The following CEP112 variants were observed in gnomAD, a reference collection of about 807,000 sequenced individuals.
CEP112 encodes the protein centrosomal protein of 112 kDa.
A neutral mutation model predicts 153.0 loss-of-function variants in CEP112; 127 were observed. That is an observed-to-expected ratio of 0.83 (90% CI 0.72 to 0.96). The LOEUF is 0.96. Among genes scored for constraint, CEP112 ranks in the 40% least tolerant of loss-of-function variants. The pLI is 0.00. For synonymous variants in CEP112, 358 were observed against 374.4 expected, an observed-to-expected ratio of 0.96 and a Z score of 0.51; for missense variants, 1,089 against 1,101.2, an observed-to-expected ratio of 0.99 and a Z score of 0.16.
chr17:65,755,081 A>G (rs956795450), intron 21 of CEP112, among the ~76,000 whole-genome samples: 4 of 152,134 alleles, frequency 2.6e-5, no homozygotes, highest in Non-Finnish European at 4.4e-5. Context: ...CAGAACTTAA[A>G]ATAAAAGTTG....
At chr17:65,986,183 T>C (rs2063400819) in intron 17 of CEP112, among the ~76,000 whole-genome samples, 1 of 151,492 alleles carries the variant, frequency 6.6e-6, no homozygotes, top group African/African-American at 2.4e-5. Flanking sequence ...GGAAAAAAAA[T>C]AAAACATCGC....
At chr17:65,933,372 C>T (rs72843717) in intron 18 of CEP112, among the ~76,000 whole-genome samples, 22 of 152,170 alleles carry the variant, frequency 1.4e-4, no homozygotes, top group Non-Finnish European at 2.4e-4. Context: ...AGACAGTTCA[C>T]GAAGACACAT....
At chr17:65,886,506 T>G (rs1025549055) in intron 20 of CEP112, among the ~76,000 whole-genome samples, 1 of 152,226 alleles carries the variant, frequency 6.6e-6, no homozygotes, top group East Asian at 1.9e-4. Context: ...TTCACATTCT[T>G]TTAGAGCTAG....
At chr17:65,788,883 C>T (rs1218299746) in intron 21 of CEP112, among the ~76,000 whole-genome samples, 3 of 152,134 alleles carry the variant, frequency 2.0e-5, no homozygotes, top group Non-Finnish European at 4.4e-5. Context: ...CATCTATGTC[C>T]TTATTTCCTC....
intron 24 of CEP112, among the ~76,000 whole-genome samples, chr17:65,670,074 T>A (rs1567839811): frequency 6.6e-6 from 1 of 152,082 alleles, no homozygotes; most frequent in East Asian, 1.9e-4. Flanking sequence ...AGGTGCTGAA[T>A]AAATGTTTGC....
At chr17:65,989,040 C>G (rs1422175980) in intron 17 of CEP112, among the ~76,000 whole-genome samples, 1 of 151,584 alleles carries the variant, frequency 6.6e-6, no homozygotes, top group African/African-American at 2.4e-5. Context: ...CTGGCTGACA[C>G]ATGGTGAAAC....
At chr17:65,728,275 T>G (rs1053607014) in intron 23 of CEP112, among the ~76,000 whole-genome samples, 6 of 152,172 alleles carry the variant, frequency 3.9e-5, no homozygotes, top group Non-Finnish European at 5.9e-5. Flanking sequence ...AGAAAAACAC[T>G]GTGGAATTTG....
intron 17 of CEP112, among the ~76,000 whole-genome samples, chr17:65,978,260 A>AGAAAAAAG (rs1375516294): frequency 6.6e-6 from 1 of 151,958 alleles, no homozygotes; most frequent in Admixed American, 6.6e-5. Flanking sequence ...TATCTCTAAA[A>AGAAAAAAG]GAAAATAAGT....
intron 19 of CEP112, among the ~76,000 whole-genome samples, chr17:65,922,042 A>G (rs2060749650): frequency 6.6e-6 from 1 of 152,090 alleles, no homozygotes; most frequent in Admixed American, 6.6e-5. Flanking sequence ...GTTTTTCATG[A>G]CTCTTGGTAG....
At chr17:65,670,127 T>C (rs1026488006) in intron 24 of CEP112, among the ~76,000 whole-genome samples, 18 of 151,810 alleles carry the variant, frequency 1.2e-4, no homozygotes, top group African/African-American at 4.3e-4. Flanking sequence ...TGTTTGTCCC[T>C]TCAGTGGGGC....
chr17:66,030,084 T>C, intron 12 of CEP112, 61 bp from the exon 13 acceptor site: 2 of 1,422,088 alleles, frequency 1.4e-6, no homozygotes, highest in Non-Finnish European at 1.9e-6. Flanking sequence ...TTTGTATCTG[T>C]AAGAAGCTTG....
At chr17:65,746,744 G>C (rs2051498080) in intron 22 of CEP112, among the ~76,000 whole-genome samples, 1 of 151,982 alleles carries the variant, frequency 6.6e-6, no homozygotes, top group South Asian at 2.1e-4. Flanking sequence ...CCTTCTCATA[G>C]AATAATAATG....
At chr17:66,189,741 A>G (rs2073091386) in intron 1 of CEP112, among the ~76,000 whole-genome samples, 1 of 152,176 alleles carries the variant, frequency 6.6e-6, no homozygotes, top group Non-Finnish European at 1.5e-5. Context: ...TACAAATTAC[A>G]TCTTATTGGC....
chr17:66,145,676 T>A (rs1231129426), intron 4 of CEP112, among the ~76,000 whole-genome samples: 1 of 152,138 alleles, frequency 6.6e-6, no homozygotes. Flanking sequence ...TTCTATTCTA[T>A]AAATCCATCT....
intron 18 of CEP112, among the ~76,000 whole-genome samples, chr17:65,955,562 T>A (rs1442039353): frequency 1.3e-5 from 2 of 152,050 alleles, no homozygotes; most frequent in Non-Finnish European, 2.9e-5. Context: ...AATGGCAGAA[T>A]CGATAAGAAT....
At chr17:66,134,747 G>A (rs192648948) in intron 4 of CEP112, among the ~76,000 whole-genome samples, 131 of 152,238 alleles carry the variant, frequency 8.6e-4, no homozygotes, top group African/African-American at 3.1e-3. Context: ...TGAGACCAGC[G>A]GGAGGTTGAG....
chr17:65,935,216 G>T (rs1482381683), intron 18 of CEP112, among the ~76,000 whole-genome samples: 2 of 152,152 alleles, frequency 1.3e-5, no homozygotes, highest in African/African-American at 4.8e-5. Context: ...TCATCAAACG[G>T]ATATAACAAT....
At chr17:66,178,282 T>A (rs1461583397) in intron 2 of CEP112, among the ~76,000 whole-genome samples, 1 of 152,206 alleles carries the variant, frequency 6.6e-6, no homozygotes, top group East Asian at 1.9e-4. Context: ...AATATCTCAC[T>A]GCAGTTTTTA....
At chr17:65,678,934 A>G (rs2047367040) in intron 24 of CEP112, among the ~76,000 whole-genome samples, 1 of 152,088 alleles carries the variant, frequency 6.6e-6, no homozygotes, top group Admixed American at 6.5e-5. Context: ...ACACCAGAAG[A>G]GTGCTTTAAG....
Sources: gnomAD v4.1 joint callset for allele counts (sites outside exome capture counted in the v4.1 genomes callset) on GRCh38, gnomAD v4.1.1 for gene constraint, MANE v1.5 for transcripts, NCBI Gene and HGNC (gene_info 2026-07-23, HGNC 2026-07-21) for gene names.